The following ITPR2 variants were observed in gnomAD, a reference collection of about 807,000 sequenced individuals.
ITPR2 encodes inositol 1,4,5-trisphosphate receptor type 2, also known as inositol 1,4,5-trisphosphate-gated calcium channel ITPR2.
A neutral mutation model predicts 317.1 loss-of-function variants in ITPR2; 207 were observed. That is an observed-to-expected ratio of 0.65 (90% confidence interval 0.58 to 0.73). The LOEUF (loss-of-function observed/expected upper bound fraction) is 0.73, where lower values mean the gene tolerates loss of function less well. ITPR2 is among the 30% of genes least tolerant of loss of function. The pLI is 0.00. For synonymous variants in ITPR2, 1,156 were observed against 1,149.1 expected (o/e 1.01, Z -0.12); for missense variants, 2,613 against 3,284.0 (o/e 0.80, Z 4.99).
chr12:26,625,098 A>G (rs1397817715), intron 23 of ITPR2, among the ~76,000 whole-genome samples: 2 of 152,198 alleles, frequency 1.3e-5, no homozygotes, highest in African/African-American at 4.8e-5. Context: ...CAGAAAGACA[A>G]ACTTCTCATG....
intron 26 of ITPR2, among the ~76,000 whole-genome samples, chr12:26,604,821 C>T (rs1014904195): frequency 3.9e-5 from 6 of 152,188 alleles, no homozygotes; most frequent in South Asian, 2.1e-4. Flanking sequence ...AGAGGCCGGA[C>T]GCAGTGGCTC....
intron 37 of ITPR2, 76 bp downstream of exon 37, chr12:26,550,171 C>T (rs1944488823): frequency 3.2e-6 from 2 of 615,660 alleles, no homozygotes; most frequent in South Asian, 2.1e-5. Context: ...ACGTAATAGC[C>T]TATTGTAATT....
chr12:26,485,554 C>A (rs1942646525), intron 41 of ITPR2, among the ~76,000 whole-genome samples: 1 of 152,194 alleles, frequency 6.6e-6, no homozygotes, highest in Non-Finnish European at 1.5e-5. Context: ...ATCCTAAGTT[C>A]ATTTATCTAA....
chr12:26,627,237 T>C (rs1365928236), intron 23 of ITPR2: 2 of 152,242 alleles, frequency 1.3e-5, no homozygotes, highest in East Asian at 3.8e-4. Context: ...AGGCAACGGC[T>C]TCTCTTCAAA....
rs769265388 is a variant in ITPR2 at position 26,656,512 on chromosome 12, AT to A, written c.2228del (p.Asp743ValfsTer7). ...TCTGGTTTATGGCCAGATACTGGCG[AT>A]CCAAGCACATCCTTGCAAAGAGGTT... Reference protein sequence around the residue: ...QLNLFARMCLDRQYLAINQIS... With the variant: ...QLNLFARMCLXRQYLAINQIS... On this transcript the variant is annotated frameshift_variant, in exon 19 of 57. Coordinates refer to ENST00000381340, the MANE Select transcript of ITPR2 (RefSeq NM_002223.4). LOFTEE classifies it high-confidence loss of function. The A allele has an allele frequency of 1.9e-6, 3 of 1,614,246 alleles. No homozygotes were observed. Among genetic ancestry groups the A allele is most frequent in the Non-Finnish European group, 2.5e-6 (3 of 1,180,036 alleles).
At chr12:26,597,797 A>G (rs1945886879) in intron 30 of ITPR2, among the ~76,000 whole-genome samples, 1 of 152,176 alleles carries the variant, frequency 6.6e-6, no homozygotes, top group African/African-American at 2.4e-5. Flanking sequence ...TTATTGTTCA[A>G]GCTCCATAGT....
At chr12:26,406,437 T>G (rs1010899867) in intron 52 of ITPR2, 4 of 148,920 alleles carry the variant, frequency 2.7e-5, no homozygotes, top group Admixed American at 6.7e-5. Context: ...AGTTTTTTTT[T>G]TTTTTTTTTT....
Position 26,448,001 on chromosome 12 carries a change from T to TAAA in ITPR2, c.6343-4352_6343-4351insTTT, listed in dbSNP as rs139343922. On this transcript the variant is annotated intron_variant, in intron 45 of 56. Coordinates refer to ENST00000381340, the MANE Select transcript of ITPR2 (RefSeq NM_002223.4). ...ATGTACCCTTTTACATGACTTTTTT[T>TAAA]TAAAAAAAAAAAAACCCAGCATCCA... 2.8e-3 allele frequency among the ~76,000 whole-genome samples: 352 copies of TAAA among 124,920 alleles called. 8 individuals are homozygous for TAAA. In the South Asian group the frequency reaches 0.037, roughly 13 times the overall value. 82.0% of individuals were successfully genotyped at this position (124,920 alleles called of 152,430 possible). A position where few individuals can be genotyped will look rare whatever the true frequency, so the allele number is the denominator to read the frequency against.
intron 32 of ITPR2, among the ~76,000 whole-genome samples, chr12:26,589,401 T>C (rs568660083): frequency 2.0e-5 from 3 of 152,102 alleles, no homozygotes; most frequent in Non-Finnish European, 4.4e-5. Flanking sequence ...AAGACCCTGG[T>C]AGTGCTGACT....
chr12:26,557,443 G>A (rs1401839030), intron 35 of ITPR2, among the ~76,000 whole-genome samples: 1 of 152,204 alleles, frequency 6.6e-6, no homozygotes, highest in Non-Finnish European at 1.5e-5. Context: ...CACAGTCCCA[G>A]TCAATGAGAC....
chr12:26,519,829 T>C (rs1943617538), intron 37 of ITPR2, among the ~76,000 whole-genome samples: 1 of 152,214 alleles, frequency 6.6e-6, no homozygotes, highest in South Asian at 2.1e-4. Context: ...AGAGGTTCTC[T>C]ATGAACTTAT....
chr12:26,409,998 G>T (rs540630587), intron 52 of ITPR2, among the ~76,000 whole-genome samples: 3 of 152,136 alleles, frequency 2.0e-5, no homozygotes, highest in Non-Finnish European at 4.4e-5. Flanking sequence ...GTGAAGAATG[G>T]CATTTTAGCC....
At chr12:26,567,941 ATATATATAT>A (rs1468337401) in intron 34 of ITPR2, among the ~76,000 whole-genome samples, 1 of 47,880 alleles carries the variant, frequency 2.1e-5, no homozygotes, top group East Asian at 3.4e-4. Flanking sequence ...ATTCTGGTAT[ATATATATAT>A]TATATATATA....
At chr12:26,350,497 G>C (rs946567959) in intron 55 of ITPR2, among the ~76,000 whole-genome samples, 1 of 152,110 alleles carries the variant, frequency 6.6e-6, no homozygotes, top group South Asian at 2.1e-4. Flanking sequence ...GGCATTGAGA[G>C]AGCTGTGATC....
intron 37 of ITPR2, 60 bp from the exon 38 acceptor site, chr12:26,495,320 A>T (rs554796717): frequency 1.1e-6 from 1 of 923,818 alleles, no homozygotes; most frequent in African/African-American, 1.7e-5. Context: ...GAAAAATGTC[A>T]GTATGTTAAA....
At chr12:26,779,210 G>A (rs1950033854) in intron 2 of ITPR2, among the ~76,000 whole-genome samples, 1 of 152,162 alleles carries the variant, frequency 6.6e-6, no homozygotes, top group African/African-American at 2.4e-5. Flanking sequence ...TCACAGTGGA[G>A]GCCTCTAGGA....
At chr12:26,411,138 A>G (rs1940534048) in intron 52 of ITPR2, 182 bp downstream of exon 52, 1 of 553,702 alleles carries the variant, frequency 1.8e-6, no homozygotes, top group Non-Finnish European at 3.2e-6. Context: ...GGAGAGGGGT[A>G]CAAAATGACC....
At chr12:26,465,443 T>A (rs1367151062) in intron 45 of ITPR2, among the ~76,000 whole-genome samples, 1 of 152,090 alleles carries the variant, frequency 6.6e-6, no homozygotes, top group Non-Finnish European at 1.5e-5. Flanking sequence ...GAGATAGCAA[T>A]TATATACAAT....
chr12:26,385,858 C>T (rs1232009050), intron 55 of ITPR2, among the ~76,000 whole-genome samples: 1 of 151,974 alleles, frequency 6.6e-6, no homozygotes, highest in Non-Finnish European at 1.5e-5. Flanking sequence ...CATCTTGAAG[C>T]CTTCGCAGGT....
Sources: allele counts gnomAD v4.1 joint callset (sites outside exome capture counted in the v4.1 genomes callset), GRCh38; gene constraint gnomAD v4.1.1; transcripts MANE v1.5; gene names NCBI Gene and HGNC (gene_info 2026-07-23, HGNC 2026-07-21).